The following USH2A variants were observed in gnomAD, a reference collection of about 807,000 sequenced individuals.
USH2A encodes the protein Usher syndrome 2A (autosomal recessive, mild).
USH2A carries 443 observed loss-of-function variants against 538.9 expected under a neutral mutation model. The ratio of observed to expected loss-of-function variants is 0.82; its 90% CI spans 0.76 to 0.89. USH2A has a LOEUF of 0.89. Ranked by LOEUF, USH2A falls within the 40% of genes least tolerant of loss-of-function variation. The pLI is 0.00. For missense variants in USH2A, 6,633 were observed against 6,324.8 expected (o/e 1.05, Z -1.65); for synonymous variants, 2,413 against 2,273.5 (o/e 1.06, Z -1.75).
At chr1:216,033,867 T>C (rs944687165) in intron 32 of USH2A, among the ~76,000 whole-genome samples, 1 of 152,070 alleles carries the variant, frequency 6.6e-6, no homozygotes, top group African/African-American at 2.4e-5. Flanking sequence ...AAAGTTTGGA[T>C]GTGAAGGATG....
chr1:215,698,415 G>A (rs4400590), intron 61 of USH2A, among the ~76,000 whole-genome samples: 1 of 152,036 alleles, frequency 6.6e-6, no homozygotes, highest in Non-Finnish European at 1.5e-5. Context: ...TTCCACAATG[G>A]TTAAACTAAT....
At chr1:215,856,787 A>C (rs1279877242) in intron 44 of USH2A, among the ~76,000 whole-genome samples, 8 of 152,006 alleles carry the variant, frequency 5.3e-5, no homozygotes, top group Admixed American at 2.0e-4. Flanking sequence ...GAAAACATGG[A>C]ACCAGCCCAA....
At chr1:216,007,231 G>A (rs182164275) in intron 32 of USH2A, among the ~76,000 whole-genome samples, 144 of 152,072 alleles carry the variant, frequency 9.5e-4, no homozygotes, top group Admixed American at 1.2e-3. Context: ...ACACAGTCTC[G>A]GGTATGTCTT....
At chr1:216,293,923 C>G (rs1348944137) in intron 9 of USH2A, among the ~76,000 whole-genome samples, 1 of 152,132 alleles carries the variant, frequency 6.6e-6, no homozygotes, top group East Asian at 1.9e-4. Context: ...CAGTAATATT[C>G]AATGTTACCC....
At chr1:216,162,483 A>G (rs2034079316) in intron 21 of USH2A, among the ~76,000 whole-genome samples, 1 of 152,016 alleles carries the variant, frequency 6.6e-6, no homozygotes, top group Non-Finnish European at 1.5e-5. Context: ...TTAACATTTC[A>G]TTATTGGTCA....
At chr1:215,821,706 T>TC in intron 47 of USH2A, among the ~76,000 whole-genome samples, 1 of 151,966 alleles carries the variant, frequency 6.6e-6, no homozygotes, top group Non-Finnish European at 1.5e-5. Flanking sequence ...TGGGAGCATC[T>TC]CCCCAATGCT....
chr1:215,912,770 A>G (rs532276837), intron 38 of USH2A, among the ~76,000 whole-genome samples: 1 of 152,086 alleles, frequency 6.6e-6, no homozygotes, highest in East Asian at 1.9e-4. Context: ...TAAGCTTAGT[A>G]CCCAAAGGTT....
chr1:216,137,776 A>G (rs528622078), intron 21 of USH2A, among the ~76,000 whole-genome samples: 1 of 152,238 alleles, frequency 6.6e-6, no homozygotes, highest in African/African-American at 2.4e-5. Context: ...TCCTTTGGCA[A>G]CACCCTCACA....
At chr1:216,092,735 T>G (rs566303207) in intron 22 of USH2A, among the ~76,000 whole-genome samples, 2 of 152,278 alleles carry the variant, frequency 1.3e-5, no homozygotes, top group African/African-American at 2.4e-5. Context: ...GTTTCATATA[T>G]AGAGAGCCTC....
intron 65 of USH2A, among the ~76,000 whole-genome samples, 184 bp downstream of exon 65, chr1:215,650,408 T>C (rs542544760): frequency 6.6e-6 from 1 of 152,330 alleles, no homozygotes; most frequent in East Asian, 1.9e-4. Context: ...ATACTTTCTG[T>C]ATGTTTCCTC....
At chr1:216,330,041 T>C (rs967413992) in intron 4 of USH2A, among the ~76,000 whole-genome samples, 1 of 152,108 alleles carries the variant, frequency 6.6e-6, no homozygotes, top group Non-Finnish European at 1.5e-5. Context: ...CCATTCATAA[T>C]TTTGAAAGAC....
chr1:215,912,730 A>C (rs1571806756), intron 38 of USH2A, among the ~76,000 whole-genome samples: 1 of 151,950 alleles, frequency 6.6e-6, no homozygotes, highest in South Asian at 2.1e-4. Flanking sequence ...ATGGGGGTTT[A>C]GTGTACAGAT....
In USH2A at chr1:215,724,242, CACACACA is replaced by C. The variant is rs969579655; in HGVS notation, c.12066+3781_12066+3787del. Among the ~76,000 whole-genome samples the C allele has an allele frequency of 1.0e-4, 14 of 140,334 alleles. No individual in the cohort carries two copies. The South Asian group carries it at 2.3e-3, about 23-fold the overall frequency. 92.1% of individuals were successfully genotyped at this position (140,334 alleles called of 152,430 possible). A position where few individuals can be genotyped will look rare whatever the true frequency, so the allele number is the denominator to read the frequency against. ...TGAAACACACACACACACACACACA[CACACACA>C]AACACACACACTGTAGAATACTACT... On this transcript the variant is annotated intron_variant, in intron 61 of 71. Transcript: ENST00000307340.
intron 3 of USH2A, among the ~76,000 whole-genome samples, chr1:216,377,203 TTAAA>T (rs1428691991): frequency 1.3e-5 from 2 of 152,166 alleles, no homozygotes; most frequent in Non-Finnish European, 2.9e-5. Flanking sequence ...AATTGTTTGT[TTAAA>T]TAAATTCTAG....
chr1:215,953,233 C>T (rs1571842262), intron 37 of USH2A, among the ~76,000 whole-genome samples: 1 of 152,044 alleles, frequency 6.6e-6, no homozygotes, highest in African/African-American at 2.4e-5. Context: ...TCATATGGAA[C>T]CAAAAAAAGA....
intron 61 of USH2A, among the ~76,000 whole-genome samples, chr1:215,725,811 T>C (rs888776946): frequency 4.6e-5 from 7 of 152,182 alleles, no homozygotes; most frequent in Admixed American, 1.3e-4. Flanking sequence ...CGCTTAAAGC[T>C]TGGGGCCATA....
intron 21 of USH2A, among the ~76,000 whole-genome samples, chr1:216,168,358 G>A (rs1190723193): frequency 1.3e-5 from 2 of 151,998 alleles, no homozygotes; most frequent in East Asian, 1.9e-4. Context: ...ATTTGAGCAG[G>A]TATATTTGAG....
chr1:215,778,350 C>T lies in USH2A; in HGVS notation c.10939+1493G>A, dbSNP rs147191055. Among the ~76,000 whole-genome samples the T allele has an allele frequency of 8.9e-3, 1,349 of 152,284 alleles. 21 individuals carry two copies. The highest frequency in any genetic ancestry group is 0.03 in the African/African-American group (1,252 of 41,552). On this transcript the variant is annotated intron_variant, in intron 55 of 71. Transcript: ENST00000307340. ...TACAGGCATGAGCCACCGCACCCAG[C>T]CTCAACACTATCATCATTGATTTAG...
intron 41 of USH2A, among the ~76,000 whole-genome samples, chr1:215,886,926 C>T (rs772165867): frequency 1.3e-5 from 2 of 151,990 alleles, no homozygotes; most frequent in East Asian, 1.9e-4. Flanking sequence ...GGCATAATCT[C>T]GGCTCACTGC....
Sources: gnomAD v4.1 joint callset for allele counts (sites outside exome capture counted in the v4.1 genomes callset) on GRCh38, gnomAD v4.1.1 for gene constraint, MANE v1.5 for transcripts, NCBI Gene and HGNC (gene_info 2026-07-23, HGNC 2026-07-21) for gene names.